The following ABCA1 variants were observed in gnomAD, a reference collection of about 807,000 sequenced individuals.
ABCA1 encodes the protein ATP binding cassette subfamily A member 1.
Under a neutral mutation model 262.5 loss-of-function variants are expected in ABCA1, and 133 were observed. The observed-to-expected ratio is 0.51, with a 90% CI of 0.44 to 0.59. The LOEUF is 0.59. Ranked by LOEUF, ABCA1 falls within the 20% of genes least tolerant of loss-of-function variation. The pLI, the probability that ABCA1 is intolerant of heterozygous loss-of-function variation, is 0.00. For synonymous variants in ABCA1, 1,022 were observed against 1,043.5 expected (o/e 0.98, Z 0.40); for missense variants, 2,452 against 2,777.5 (o/e 0.88, Z 2.63).
chr9:104,918,679 A>T (rs929985506), intron 1 of ABCA1, among the ~76,000 whole-genome samples: 10 of 152,160 alleles, frequency 6.6e-5, no homozygotes, highest in Non-Finnish European at 1.0e-4. Context: ...CAACAGCCTA[A>T]CCCCAACTAA....
At chr9:104,880,778 T>G (rs1350598096) in intron 5 of ABCA1, among the ~76,000 whole-genome samples, 6 of 152,074 alleles carry the variant, frequency 3.9e-5, no homozygotes, top group Non-Finnish European at 5.9e-5. Context: ...AGGGACCTTC[T>G]CTCCTCAGAG....
chr9:104,819,871 T>TA, intron 21 of ABCA1, 56 bp downstream of exon 21: 1 of 1,609,122 alleles, frequency 6.2e-7, no homozygotes, highest in Non-Finnish European at 8.5e-7. Flanking sequence ...TTCCTCCGCA[T>TA]GTGTGTAGCC....
At chr9:104,839,759 C>T (rs1006230003) in intron 9 of ABCA1, among the ~76,000 whole-genome samples, 6 of 152,174 alleles carry the variant, frequency 3.9e-5, no homozygotes, top group Non-Finnish European at 7.3e-5. Context: ...ATAAATCCAT[C>T]ACCTCATAGT....
intron 5 of ABCA1, among the ~76,000 whole-genome samples, chr9:104,867,365 T>C: frequency 6.6e-6 from 1 of 152,198 alleles, no homozygotes; most frequent in South Asian, 2.1e-4. Flanking sequence ...CTGAGTAAGG[T>C]GCCCGGTAAA....
Position 104,882,028 on chromosome 9 carries a change from T to TAAAAAAAAAAAAAA in ABCA1, c.421+997_421+1010dup, listed in dbSNP as rs557626075. 3.1e-4 allele frequency among the ~76,000 whole-genome samples: 23 copies of TAAAAAAAAAAAAAA among 73,750 alleles called. 1 individual carries two copies. Among genetic ancestry groups the TAAAAAAAAAAAAAA allele is most frequent in the East Asian group, 1.7e-3 (3 of 1,780 alleles). The allele number at this position is 73,750 out of a possible 152,430, so 48.4% of individuals were successfully genotyped here. A position where few individuals can be genotyped will look rare whatever the true frequency, so the allele number is the denominator to read the frequency against. ...CAAGGAAAGCACAGTTCTGTAGCCT[T>TAAAAAAAAAAAAAA]AAAAAAAAAAAAAAAAAAAAAAAAA... is the stretch of plus-strand genomic sequence containing the variant. On this transcript the variant is annotated intron_variant, in intron 5 of 49. Coordinates refer to ENST00000374736, the MANE Select transcript of ABCA1 (RefSeq NM_005502.4).
At chr9:104,896,709 A>ATTTTTTTT (rs1564270342) in intron 2 of ABCA1, among the ~76,000 whole-genome samples, 6 of 78,294 alleles carry the variant, frequency 7.7e-5, no homozygotes, top group Admixed American at 3.5e-4. Flanking sequence ...CTCCCTACAC[A>ATTTTTTTT]TCTTTTTTTT....
chr9:104,849,314 C>T (rs772990409), intron 7 of ABCA1, among the ~76,000 whole-genome samples: 5 of 152,134 alleles, frequency 3.3e-5, no homozygotes, highest in African/African-American at 4.8e-5. Context: ...TTAGCAGACA[C>T]AAATTCAATG....
chr9:104,856,254 A>T (rs73663573), intron 7 of ABCA1, among the ~76,000 whole-genome samples: 10,130 of 152,258 alleles, frequency 0.067, 1,216 homozygotes, highest in African/African-American at 0.23. Flanking sequence ...AGCCTTCCTC[A>T]GAAATCATCT....
At chr9:104,856,991 G>T (rs561794899) in intron 7 of ABCA1, among the ~76,000 whole-genome samples, 2 of 152,092 alleles carry the variant, frequency 1.3e-5, no homozygotes, top group Non-Finnish European at 2.9e-5. Flanking sequence ...TCCCTGTAGA[G>T]AAATATACCT....
At chr9:104,820,869 C>T (rs1339274213) in intron 20 of ABCA1, among the ~76,000 whole-genome samples, 2 of 152,138 alleles carry the variant, frequency 1.3e-5, no homozygotes, top group African/African-American at 4.8e-5. Flanking sequence ...TACAGCTCAA[C>T]CATTCACCTC....
chr9:104,927,576 C>G (rs1471227390), intron 1 of ABCA1: 3 of 152,430 alleles, frequency 2.0e-5, no homozygotes, highest in Admixed American at 1.3e-4. Context: ...CCGAACAAAG[C>G]AGCGCTCGGT....
intron 11 of ABCA1, among the ~76,000 whole-genome samples, chr9:104,833,263 C>A (rs1319138165): frequency 6.6e-6 from 1 of 152,190 alleles, no homozygotes; most frequent in Non-Finnish European, 1.5e-5. Context: ...CTCACCGCAG[C>A]CTTGACCTCC....
chr9:104,791,923 A>C lies in ABCA1; in HGVS notation c.5820+13T>G, dbSNP rs1256283036. The C allele has an allele frequency of 6.2e-7, 1 of 1,612,704 alleles. No homozygotes were observed. The highest frequency in any genetic ancestry group is 1.7e-5 in the Admixed American group (1 of 59,990). ...TAATAGGGACAAACGCAATATAGAC[A>C]AAGTGTCTTTACCTCACCAGGAGGA... On this transcript the variant is annotated intron_variant, in intron 43 of 49. Transcript: ENST00000374736.
intron 5 of ABCA1, among the ~76,000 whole-genome samples, chr9:104,875,055 A>T (rs548874291): frequency 0.032 from 4,817 of 152,116 alleles, 104 homozygotes; most frequent in Non-Finnish European, 0.041. Context: ...GAAAAGGGGG[A>T]AATGTGGGGA....
At position 104,812,662 on chromosome 9, in the gene ABCA1, C is replaced by G. The variant is rs149042968; in HGVS notation, c.3962G>C (p.Gly1321Ala). ...AAACTGTTGCTGTGTAAGTTTCCAG[C>G]CTTTCACCTGGTAGGACCCTTTGCC... is the stretch of plus-strand genomic sequence containing the variant. ...MDGKGSYQVK[G>A]WKLTQQQFVA... Residue 1321 changes from glycine (G) to alanine (A), a missense_variant, in exon 28 of 50, where the codon GGC (glycine) becomes GCC (alanine). By Grantham distance (60) the Gly-to-Ala change is moderately conservative. Around this residue, in one of 4 missense-constraint regions of ABCA1, gnomAD observed 665 missense variants for 727.3 expected, o/e 0.91. Coordinates refer to ENST00000374736, the MANE Select transcript of ABCA1 (RefSeq NM_005502.4). The G allele has an allele frequency of 5.6e-6, 9 of 1,614,120 alleles. No individual in the cohort carries two copies. Among genetic ancestry groups the G allele is most frequent in the Admixed American group, 1.7e-5 (1 of 60,000 alleles).
chr9:104,831,562 A>C, intron 13 of ABCA1, 60 bp downstream of exon 13: 1 of 1,389,918 alleles, frequency 7.2e-7, no homozygotes. Context: ...CTCTTGTCCT[A>C]ATATAATAGG....
chr9:104,805,891 G>T (rs866426516), intron 31 of ABCA1, among the ~76,000 whole-genome samples: 22 of 152,320 alleles, frequency 1.4e-4, no homozygotes, highest in Middle Eastern at 3.4e-3. Flanking sequence ...GATCACCTGA[G>T]GTCAGGAATT....
Position 104,788,396 on chromosome 9 carries a change from G to A in ABCA1, c.6069+30C>T. The A allele has an allele frequency of 1.9e-6, 3 of 1,613,988 alleles. No individual in the cohort carries two copies. In the South Asian group the frequency reaches 3.3e-5, roughly 18 times the overall value. ...TATATATTGTCAGGATGCCAAAGGA[G>A]ACAGGCTGGCTTTCAGGTGCCCACA... On this transcript the variant is annotated intron_variant, in intron 45 of 49. Coordinates refer to ENST00000374736, the MANE Select transcript of ABCA1 (RefSeq NM_005502.4).
chr9:104,804,701 T>C lies in ABCA1; in HGVS notation c.4484A>G (p.Asp1495Gly). The change falls in exon 32 of 50, where the codon GAT becomes GGT. Residue 1495 changes from aspartate (D) to glycine (G), a missense_variant. By Grantham distance (94) the Asp-to-Gly change is moderately conservative. Around this residue, in one of 4 missense-constraint regions of ABCA1, gnomAD observed 752 missense variants for 944.5 expected, o/e 0.80. Transcript: ENST00000374736. ...TCTTCCTGTCAGGTCCTGAAGGATA[T>C]CTGCAGTGTTTTGTTTTCTCTGTCA... ...PPPQRKQNTA[D>G]ILQDLTGRNI... 6.2e-7 allele frequency: 1 copy of C among 1,614,164 alleles called. No homozygotes were observed. The highest frequency in any genetic ancestry group is 8.5e-7 in the Non-Finnish European group (1 of 1,179,984).
Sources: gnomAD v4.1 joint callset for allele counts (sites outside exome capture counted in the v4.1 genomes callset) on GRCh38, gnomAD v4.1.1 for gene constraint, gnomAD v4.1.1 regional missense constraint, MANE v1.5 for transcripts, NCBI Gene and HGNC (gene_info 2026-07-23, HGNC 2026-07-21) for gene names.